CEP72: variants seen among roughly 807,000 people sequenced by gnomAD.
CEP72 encodes centrosomal protein of 72 kDa.
In CEP72, 78 loss-of-function variants were observed where a neutral mutation model predicts 65.7. The observed-to-expected ratio is 1.19, with a 90% confidence interval of 0.99 to 1.43. The LOEUF is 1.43. CEP72 is among the 40% of genes most tolerant of loss of function. The pLI is 0.00. For synonymous variants in CEP72, 358 were observed against 351.7 expected (o/e 1.02, Z -0.20); for missense variants, 914 against 832.9 (o/e 1.10, Z -1.20).
chr5:656,462 C>A (rs1346312774), downstream of CEP72, among the ~76,000 whole-genome samples: 2 of 152,202 alleles, frequency 1.3e-5, no homozygotes, highest in African/African-American at 4.8e-5. Flanking sequence ...AGCGGGTGTT[C>A]ATACAGCCTG....
chr5:650,213 T>G (rs1490937894), intron 11 of CEP72, among the ~76,000 whole-genome samples: 2 of 94,112 alleles, frequency 2.1e-5, no homozygotes, highest in Non-Finnish European at 4.1e-5. Context: ...GACTGTGAGG[T>G]GTGACTGTGA....
intron 6 of CEP72, among the ~76,000 whole-genome samples, chr5:637,220 C>T (rs1353546126): frequency 2.0e-5 from 3 of 152,328 alleles, no homozygotes; most frequent in East Asian, 1.9e-4. Context: ...GGGGTGAACA[C>T]GCGAAGCTGG....
At chr5:649,847 C>T (rs1212722479) in intron 11 of CEP72, among the ~76,000 whole-genome samples, 25 of 69,756 alleles carry the variant, frequency 3.6e-4, no homozygotes, top group Non-Finnish European at 3.2e-4. Context: ...GACTGTGAGG[C>T]GTGACTGTGA....
intron 5 of CEP72, among the ~76,000 whole-genome samples, chr5:635,159 C>T (rs528850171): frequency 5.9e-5 from 9 of 152,308 alleles, no homozygotes; most frequent in Admixed American, 5.9e-4. Flanking sequence ...GCAGCCTTGT[C>T]CTGAGTCTCG....
Position 640,612 on chromosome 5 carries a change from C to T in CEP72, c.1539+8C>T, listed in dbSNP as rs759011513. 7 of 1,605,792 alleles carry T rather than the reference C, an allele frequency of 4.4e-6. No homozygotes were observed. The highest frequency in any genetic ancestry group is 4.5e-5 in the East Asian group (2 of 44,748). ...CACACACACAAGGAGCTGGTGAGCCCGCCCTGGCGCTGTGTCTGTGTCCAT... is the reference window on the plus strand; with the variant it reads ...CACACACACAAGGAGCTGGTGAGCCTGCCCTGGCGCTGTGTCTGTGTCCAT... On this transcript the variant is annotated splice_region_variant and intron_variant, in intron 9 of 11. Transcript: ENST00000264935.
At chr5:665,175 A>G in intron 2 of CEP72, 1 of 1,613,704 alleles carries the variant, frequency 6.2e-7, no homozygotes, top group Non-Finnish European at 8.5e-7. Flanking sequence ...TGACTCGTCC[A>G]CCAGATCCAC....
In CEP72 at chr5:635,572, AC is replaced by A; in HGVS notation, c.896del (p.Pro299HisfsTer69). 1.9e-6 allele frequency: 3 copies of A among 1,612,110 alleles called. No homozygotes were observed. In the South Asian group the frequency reaches 3.3e-5, roughly 18 times the overall value. On this transcript the variant is annotated frameshift_variant, in exon 6 of 12. Coordinates refer to ENST00000264935, the MANE Select transcript of CEP72 (RefSeq NM_018140.4). LOFTEE classifies it high-confidence loss of function. ...TGCCCCCAGGCCACACACGTACTTC[AC>A]CCCACACCCAGGTACTTACGCGTGT... Reference protein sequence around the residue: ...SRAPRPHTYFTPHPDSMDTED... With the variant: ...SRAPRPHTYFXPHPDSMDTED...
chr5:665,253 G>A, exon 3 of CEP72: 1 of 1,613,800 alleles, frequency 6.2e-7, no homozygotes, highest in Non-Finnish European at 8.5e-7. Context: ...CGTGAACTTG[G>A]TGGTGTCCGT....
At chr5:617,587 G>A (rs1340727555) in intron 1 of CEP72, among the ~76,000 whole-genome samples, 1 of 152,228 alleles carries the variant, frequency 6.6e-6, no homozygotes, top group Non-Finnish European at 1.5e-5. Context: ...CCGGTGGCAG[G>A]GTGTGGGGGA....
At chr5:622,749 A>C (rs931377298) in intron 3 of CEP72, among the ~76,000 whole-genome samples, 2 of 146,398 alleles carry the variant, frequency 1.4e-5, no homozygotes, top group Non-Finnish European at 3.1e-5. Context: ...GGACATTAAC[A>C]ATGGACCCCC....
intron 1 of CEP72, among the ~76,000 whole-genome samples, chr5:617,102 G>C (rs1354257856): frequency 6.6e-6 from 1 of 152,034 alleles, no homozygotes; most frequent in Middle Eastern, 3.2e-3. Flanking sequence ...TGGTCTTTTT[G>C]TGTTTCTGGG....
chr5:644,546 G>A, intron 10 of CEP72, 121 bp downstream of exon 10: 1 of 1,178,742 alleles, frequency 8.5e-7, no homozygotes, highest in Non-Finnish European at 1.2e-6. Context: ...TTGGTAAGTG[G>A]GGAGCCGAGC....
At chr5:627,382 A>T (rs1208333595) in intron 4 of CEP72, among the ~76,000 whole-genome samples, 4 of 149,906 alleles carry the variant, frequency 2.7e-5, no homozygotes, top group Non-Finnish European at 5.9e-5. Flanking sequence ...TTTCCTTTGC[A>T]TGTTACGAAT....
intron 4 of CEP72, among the ~76,000 whole-genome samples, chr5:627,670 C>T (rs1229999862): frequency 6.6e-6 from 1 of 152,150 alleles, no homozygotes; most frequent in Non-Finnish European, 1.5e-5. Context: ...TGACACCACT[C>T]CAAATACATT....
At chr5:649,143 C>G (rs1229947799) in intron 11 of CEP72, among the ~76,000 whole-genome samples, 1 of 115,482 alleles carries the variant, frequency 8.7e-6, no homozygotes, top group Non-Finnish European at 1.7e-5. Flanking sequence ...GACTGTGAGG[C>G]GTGACTGTGA....
At chr5:658,797 T>A (rs1477981684), downstream of CEP72, among the ~76,000 whole-genome samples, 1 of 151,426 alleles carries the variant, frequency 6.6e-6, no homozygotes, top group Non-Finnish European at 1.5e-5. Flanking sequence ...GCCTCCCGAG[T>A]AGCTGGGACT....
chr5:663,791 C>T (rs950805596), intron 2 of CEP72: 2 of 152,406 alleles, frequency 1.3e-5, no homozygotes, highest in Non-Finnish European at 2.9e-5. Flanking sequence ...GCAGGCTCAT[C>T]CGCAGGTAGA....
chr5:672,568 C>T, the CEP72 span, among the ~76,000 whole-genome samples: 1 of 152,236 alleles, frequency 6.6e-6, no homozygotes, highest in African/African-American at 2.4e-5. Flanking sequence ...GCAAGGCTGG[C>T]AGACCCTCGC....
intron 1 of CEP72, among the ~76,000 whole-genome samples, chr5:613,725 G>A (rs1735824317): frequency 6.6e-6 from 1 of 152,232 alleles, no homozygotes; most frequent in African/African-American, 2.4e-5. Context: ...GGTGTTGTCA[G>A]TTGGTGGAGG....
Sources: allele counts gnomAD v4.1 joint callset (sites outside exome capture counted in the v4.1 genomes callset), GRCh38; gene constraint gnomAD v4.1.1; transcripts MANE v1.5; gene names NCBI Gene and HGNC (gene_info 2026-07-23, HGNC 2026-07-21).